The following IGF1R variants were observed in gnomAD, a reference collection of about 807,000 sequenced individuals.
The protein encoded by IGF1R is insulin-like growth factor 1 receptor.
IGF1R carries 44 observed loss-of-function variants against 144.6 expected under a neutral mutation model. That is an observed-to-expected ratio of 0.30 (90% confidence interval 0.24 to 0.39). The LOEUF is 0.39. Ranked by LOEUF, IGF1R falls within the 10% of genes least tolerant of loss-of-function variation. The pLI is 1.00. For synonymous variants in IGF1R, 795 were observed against 722.8 expected, an observed-to-expected ratio of 1.10 and a Z score of -1.60; for missense variants, 1,355 against 1,833.7, an observed-to-expected ratio of 0.74 and a Z score of 4.77.
intron 2 of IGF1R, among the ~76,000 whole-genome samples, chr15:98,733,370 A>G (rs1296165710): frequency 1.3e-5 from 2 of 151,682 alleles, no homozygotes; most frequent in Non-Finnish European, 1.5e-5. Flanking sequence ...ATAGGTGCAT[A>G]CCCCCATGCC....
chr15:98,728,833 T>C (rs1225983783), intron 2 of IGF1R, among the ~76,000 whole-genome samples: 1 of 152,218 alleles, frequency 6.6e-6, no homozygotes, highest in South Asian at 2.1e-4. Flanking sequence ...AGAAAGCTCT[T>C]TGTAGTAGGT....
At chr15:98,915,875 G>T in intron 8 of IGF1R, 89 bp from the exon 9 acceptor site, 1 of 1,161,204 alleles carries the variant, frequency 8.6e-7, no homozygotes, top group Non-Finnish European at 1.3e-6. Context: ...GGTCAAACTG[G>T]CAGTTTCCTG....
intron 13 of IGF1R, among the ~76,000 whole-genome samples, chr15:98,924,922 T>G (rs888671276): frequency 1.3e-4 from 19 of 148,898 alleles, no homozygotes; most frequent in African/African-American, 4.4e-4. Context: ...GATCCGAGCC[T>G]CTCCTTTGAG....
At chr15:98,664,678 GAGACTC>G (rs2052685784) in intron 1 of IGF1R, among the ~76,000 whole-genome samples, 1 of 130,876 alleles carries the variant, frequency 7.6e-6, no homozygotes, top group African/African-American at 3.5e-5. Flanking sequence ...GGGCGAGAGT[GAGACTC>G]CATGTCAAAA....
intron 18 of IGF1R, among the ~76,000 whole-genome samples, chr15:98,941,818 A>G (rs2016376246): frequency 6.6e-6 from 1 of 152,194 alleles, no homozygotes; most frequent in South Asian, 2.1e-4. Context: ...TGAGTTAGAG[A>G]CATACATGAG....
At chr15:98,694,517 G>A (rs998781909) in intron 1 of IGF1R, among the ~76,000 whole-genome samples, 20 of 151,568 alleles carry the variant, frequency 1.3e-4, no homozygotes, top group South Asian at 2.1e-4. Context: ...AGCCTCCAGC[G>A]CTCCTGGGCC....
At chr15:98,760,361 A>AAATCCGTTT (rs3076031) in intron 2 of IGF1R, among the ~76,000 whole-genome samples, 8,087 of 152,088 alleles carry the variant, frequency 0.053, 259 homozygotes, top group East Asian at 0.11. Context: ...AAAAAAAAAA[A>AAATCCGTTT]ATCCGTTTAC....
chr15:98,944,078 A>G (rs182050966), intron 19 of IGF1R, among the ~76,000 whole-genome samples: 1 of 152,318 alleles, frequency 6.6e-6, no homozygotes, highest in Admixed American at 6.5e-5. Context: ...AGTGCTCTGC[A>G]TGGTGTTTAG....
At chr15:98,740,220 C>T (rs906080033) in intron 2 of IGF1R, among the ~76,000 whole-genome samples, 17 of 152,172 alleles carry the variant, frequency 1.1e-4, no homozygotes, top group African/African-American at 2.7e-4. Flanking sequence ...TTGCTTGCCA[C>T]GTGGTTTTGC....
chr15:98,840,358 T>G (rs1399655742), intron 2 of IGF1R, among the ~76,000 whole-genome samples: 1 of 152,242 alleles, frequency 6.6e-6, no homozygotes, highest in Non-Finnish European at 1.5e-5. Flanking sequence ...CTGTTTCTTC[T>G]GTTATCATCT....
chr15:98,894,615 A>T (rs2014086280), intron 3 of IGF1R, among the ~76,000 whole-genome samples: 1 of 152,230 alleles, frequency 6.6e-6, no homozygotes, highest in Non-Finnish European at 1.5e-5. Context: ...TCAAAATGAC[A>T]GATTATAGCC....
At chr15:98,768,930 A>AAACAAC (rs56709467) in intron 2 of IGF1R, among the ~76,000 whole-genome samples, 3,058 of 16,430 alleles carry the variant, frequency 0.19, 100 homozygotes, top group Middle Eastern at 0.4. Flanking sequence ...TCCGTCTCAA[A>AAACAAC]AACAACAACA....
At chr15:98,823,642 G>T (rs780656228) in intron 2 of IGF1R, among the ~76,000 whole-genome samples, 26 of 152,190 alleles carry the variant, frequency 1.7e-4, no homozygotes, top group Non-Finnish European at 3.7e-4. Context: ...AGCTGCACAG[G>T]GCTGGTCTGA....
intron 5 of IGF1R, among the ~76,000 whole-genome samples, chr15:98,905,435 T>C (rs1215428213): frequency 6.6e-6 from 1 of 151,846 alleles, no homozygotes; most frequent in Non-Finnish European, 1.5e-5. Flanking sequence ...GGCAAGGCAT[T>C]GCTTGAGCCC....
rs559329766 is a variant in IGF1R at position 98,892,448 on chromosome 15, A to G, written c.953+811A>G. ...ACTCCGAGGCAGGAGAATTGCTTGA[A>G]CCTGGGAGGCAGAGGTTGCAGTGAG... On this transcript the variant is annotated intron_variant, in intron 3 of 20. Transcript: ENST00000650285. 3.4e-5 allele frequency among the ~76,000 whole-genome samples: 5 copies of G among 145,604 alleles called. No individual in the cohort carries two copies. In the East Asian group the frequency reaches 1.0e-3, roughly 30 times the overall value.
intron 2 of IGF1R, among the ~76,000 whole-genome samples, chr15:98,815,386 A>G (rs1483115929): frequency 1.3e-5 from 2 of 152,212 alleles, no homozygotes; most frequent in Non-Finnish European, 2.9e-5. Context: ...TTGTTGAAGA[A>G]GTGAGGAGGG....
rs1324341779 is a variant in IGF1R at position 98,708,061 on chromosome 15, C to T, written c.594C>T (p.Asn198=). ...CGATGTGTGAGAAGACCACCATCAA[C>T]AATGAGTACAACTACCGCTGCTGGA... ...EKPMCEKTTI[N]NEYNYRCWTT... is the part of the protein sequence containing the mutation. Residue 198 remains asparagine (N), a synonymous_variant, in exon 2 of 21, where the codon AAC becomes AAT. Coordinates refer to ENST00000650285, the MANE Select transcript of IGF1R (RefSeq NM_000875.5). 2 of 1,614,042 alleles carry T rather than the reference C, an allele frequency of 1.2e-6. No homozygotes were observed. Among genetic ancestry groups the T allele is most frequent in the Non-Finnish European group, 1.7e-6 (2 of 1,179,992 alleles).
rs1447895522 is a variant in IGF1R, at chr15:98,891,749, C to T, written c.953+112C>T. 2 of 1,043,946 alleles carry T rather than the reference C, an allele frequency of 1.9e-6. No homozygotes were observed. Among genetic ancestry groups the T allele is most frequent in the Admixed American group, 4.1e-5 (2 of 48,972 alleles). The allele number at this position is 1,043,946 out of a possible 1,614,324, so 64.7% of individuals were successfully genotyped here. A position where few individuals can be genotyped will look rare whatever the true frequency, so the allele number is the denominator to read the frequency against. ...ATCCGGGTGCAGCCCTCAGGAAGTT[C>T]ACTGAGGTGGGTCATTTTGAGAGGG... is the stretch of plus-strand genomic sequence containing the variant. On this transcript the variant is annotated intron_variant, in intron 3 of 20. Transcript: ENST00000650285. The surrounding 1 kb of genome is among the most constrained non-coding windows in gnomAD (Gnocchi z 4.7).
chr15:98,692,272 A>G (rs2053495211), intron 1 of IGF1R, among the ~76,000 whole-genome samples: 1 of 152,154 alleles, frequency 6.6e-6, no homozygotes, highest in Non-Finnish European at 1.5e-5. Flanking sequence ...CAGGAAGTTG[A>G]GGCTACAGTG....
Sources: gnomAD v4.1 joint callset for allele counts (sites outside exome capture counted in the v4.1 genomes callset) on GRCh38, gnomAD v4.1.1 for gene constraint, Gnocchi (gnomAD v3.1) non-coding constraint, MANE v1.5 for transcripts, NCBI Gene and HGNC (gene_info 2026-07-23, HGNC 2026-07-21) for gene names.